CD109: variants seen among roughly 807,000 people sequenced by gnomAD.
CD109 encodes the protein CD109 molecule.
In CD109, 149 loss-of-function variants were observed where a neutral mutation model predicts 165.8. The observed-to-expected ratio is 0.90, with a 90% confidence interval of 0.79 to 1.03. The LOEUF (loss-of-function observed/expected upper bound fraction) is 1.03. Among genes scored for constraint, CD109 ranks in the 50% least tolerant of loss-of-function variants. The pLI is 0.00. For missense variants in CD109, 1,712 were observed against 1,677.8 expected (o/e 1.02, Z -0.36); for synonymous variants, 585 against 592.1 (o/e 0.99, Z 0.18).
chr6:73,815,729 C>T (rs9447036), intron 30 of CD109, among the ~76,000 whole-genome samples: 37,442 of 152,086 alleles, frequency 0.25, 5,234 homozygotes, highest in Admixed American at 0.32. Flanking sequence ...AAGGGTTCTA[C>T]CTCAACCCTA....
At chr6:73,752,625 C>T (rs1773236851) in intron 5 of CD109, among the ~76,000 whole-genome samples, 1 of 152,142 alleles carries the variant, frequency 6.6e-6, no homozygotes, top group Admixed American at 6.5e-5. Context: ...AGAGTTTCTA[C>T]TGGATGTGCT....
In CD109 at chr6:73,715,610, A is replaced by G. The variant is rs1221037865; in HGVS notation, c.248-7641A>G. On this transcript the variant is annotated intron_variant, in intron 2 of 32. Transcript: ENST00000287097. ...GTATGTATAATAAAACCAACTATAC[A>G]ACTGATTCTTTTTTTAATTTTTAAT... 3.9e-5 allele frequency among the ~76,000 whole-genome samples: 6 copies of G among 151,916 alleles called. No homozygotes were observed. The East Asian group carries it at 1.2e-3, about 29-fold the overall frequency.
At chr6:73,703,394 T>G in intron 2 of CD109, among the ~76,000 whole-genome samples, 1 of 152,208 alleles carries the variant, frequency 6.6e-6, no homozygotes, top group East Asian at 1.9e-4. Context: ...CTCATAGAGT[T>G]TTGGAGCTGG....
chr6:73,780,935 GTGTA>G (rs1301994670), intron 16 of CD109, among the ~76,000 whole-genome samples: 2 of 150,254 alleles, frequency 1.3e-5, no homozygotes, highest in African/African-American at 4.9e-5. Flanking sequence ...AGACTGATGT[GTGTA>G]TGTGTGTTTG....
In CD109 at chr6:73,818,475, G is replaced by A; in HGVS notation, c.3999G>A (p.Leu1333=). The A allele has an allele frequency of 6.2e-7, 1 of 1,613,522 alleles. No individual in the cohort carries two copies. Among genetic ancestry groups the A allele is most frequent in the Non-Finnish European group, 8.5e-7 (1 of 1,179,876 alleles). ...GFMVPSEAIS[L]SETVKKVEYD... is the part of the protein sequence containing the mutation. ...TGGTGCCTTCAGAAGCAATTTCTCTGAGCGAGACAGTGAAGAAAGTGGAAT... is the reference window on the plus strand; with the variant it reads ...TGGTGCCTTCAGAAGCAATTTCTCTAAGCGAGACAGTGAAGAAAGTGGAAT... Residue 1333 remains leucine, a synonymous_variant, in exon 31 of 33, where the codon CTG becomes CTA. Transcript: ENST00000287097.
intron 2 of CD109, among the ~76,000 whole-genome samples, chr6:73,722,861 T>G (rs1252357193): frequency 6.6e-6 from 1 of 152,194 alleles, no homozygotes; most frequent in Non-Finnish European, 1.5e-5. Flanking sequence ...CTTTCTTCCT[T>G]TATCACGAGG....
At position 73,768,095 on chromosome 6, in the gene CD109, AT is replaced by A. The variant is rs1773915379; in HGVS notation, c.1540del (p.Ser514GlnfsTer6). ...CAGTTGGTGGCTGTAGGAAAACAAA[AT>A]TCAACAATGTTCTCTTTAACACCAG... ...RGQLVAVGKQ[N>X]STMFSLTPEN... On this transcript the variant is annotated frameshift_variant, in exon 14 of 33. Transcript: ENST00000287097. LOFTEE classifies it high-confidence loss of function. 4 of 1,613,616 alleles carry A rather than the reference AT, an allele frequency of 2.5e-6. No individual in the cohort carries two copies. In the East Asian group the frequency reaches 8.9e-5, roughly 36 times the overall value.
upstream of CD109, among the ~76,000 whole-genome samples, chr6:73,691,799 T>C (rs893900145): frequency 5.9e-5 from 9 of 152,194 alleles, no homozygotes; most frequent in African/African-American, 2.2e-4. Flanking sequence ...GCCTTTCTCA[T>C]TGAATTACTC....
rs954707312 is a variant in CD109, at chr6:73,736,412, G to C, written c.537G>C (p.Trp179Cys). ...CCAAATCAAATTTGATCCAACAGTG[G>C]TTGTCACAACAAAGTGATCTTGGAG... ...KDPKSNLIQQ[W>C]LSQQSDLGVI... is the part of the protein sequence containing the mutation. The change falls in exon 5 of 33, where the codon TGG becomes TGC. Residue 179 changes from tryptophan (W) to cysteine (C), a missense_variant. Transcript: ENST00000287097. 6.2e-7 allele frequency: 1 copy of C among 1,613,766 alleles called. No homozygotes were observed. The highest frequency in any genetic ancestry group is 2.2e-5 in the East Asian group (1 of 44,852).
intron 2 of CD109, among the ~76,000 whole-genome samples, chr6:73,708,449 C>T (rs1044815338): frequency 1.3e-5 from 2 of 152,142 alleles, no homozygotes; most frequent in African/African-American, 4.8e-5. Context: ...AATAATGCCT[C>T]AATAAACATA....
chr6:73,811,654 C>T (rs969616883), intron 28 of CD109, among the ~76,000 whole-genome samples: 3 of 152,154 alleles, frequency 2.0e-5, no homozygotes, highest in African/African-American at 7.2e-5. Flanking sequence ...TTGATAGAAC[C>T]GGTAGTAGAA....
chr6:73,811,281 G>A, intron 28 of CD109, 134 bp downstream of exon 28: 2 of 1,043,518 alleles, frequency 1.9e-6, no homozygotes, highest in South Asian at 2.2e-5. Flanking sequence ...GAGAAGTGGT[G>A]CCCTTCTTTG....
At chr6:73,687,625 C>T in the CD109 span, among the ~76,000 whole-genome samples, 1 of 152,222 alleles carries the variant, frequency 6.6e-6, no homozygotes, top group South Asian at 2.1e-4. Context: ...AATTTTCTCC[C>T]ATCCATATCC....
chr6:73,773,266 A>C (rs529250257), intron 15 of CD109, among the ~76,000 whole-genome samples: 125 of 151,246 alleles, frequency 8.3e-4, no homozygotes, highest in African/African-American at 2.7e-3. Flanking sequence ...TCAGATATTA[A>C]GATTGCTTTC....
At chr6:73,816,445 T>C (rs1775939968) in intron 30 of CD109, among the ~76,000 whole-genome samples, 1 of 152,196 alleles carries the variant, frequency 6.6e-6, no homozygotes, top group Admixed American at 6.5e-5. Flanking sequence ...GTAAAGTATG[T>C]GTTATTATTA....
In CD109 at chr6:73,815,112, T is replaced by C; in HGVS notation, c.3900T>C (p.Asn1300=). ...ATGATCTCAATCATGTGGATTTGAA[T>C]GTGTGTACAAGGTAAGTGTCTGCTT... is the stretch of plus-strand genomic sequence containing the variant. ...NKDDLNHVDL[N]VCTSFSGPGR... Residue 1300 remains asparagine (N), a synonymous_variant, in exon 30 of 33, where the codon AAT becomes AAC. Transcript: ENST00000287097. 1 of 1,586,982 alleles carries C rather than the reference T, an allele frequency of 6.3e-7. No individual in the cohort carries two copies. The highest frequency in any genetic ancestry group is 8.5e-7 in the Non-Finnish European group (1 of 1,171,840).
chr6:73,683,791 GGC>G, the CD109 span, among the ~76,000 whole-genome samples: 25 of 152,174 alleles, frequency 1.6e-4, no homozygotes, highest in Non-Finnish European at 2.6e-4. Flanking sequence ...TTACATGGAT[GGC>G]AGCAGGCAAA....
rs1776261744 is a variant in CD109, at chr6:73,825,952, TGG to T, written c.*2323_*2324del. On this transcript the variant is annotated 3_prime_UTR_variant, in exon 33 of 33. Coordinates refer to ENST00000287097, the MANE Select transcript of CD109 (RefSeq NM_133493.5). ...GAGATCACGCCACTGCACTCCAGCC[TGG>T]GGGACAGAGTGAGATTCTGTCTCAA... The T allele has an allele frequency of 1.3e-5, 2 of 152,216 alleles. No individual in the cohort carries two copies. Among genetic ancestry groups the T allele is most frequent in the Admixed American group, 6.5e-5 (1 of 15,278 alleles). The allele number at this position is 152,216 out of a possible 1,614,324, so 9.4% of individuals were successfully genotyped here.
At chr6:73,742,035 C>A (rs1772805201) in intron 5 of CD109, among the ~76,000 whole-genome samples, 1 of 152,060 alleles carries the variant, frequency 6.6e-6, no homozygotes, top group Non-Finnish European at 1.5e-5. Flanking sequence ...TAAAATTTGC[C>A]ATTGTAACCA....
Sources: allele counts gnomAD v4.1 joint callset (sites outside exome capture counted in the v4.1 genomes callset), GRCh38; gene constraint gnomAD v4.1.1; transcripts MANE v1.5; gene names NCBI Gene and HGNC (gene_info 2026-07-23, HGNC 2026-07-21).